MGST3: variants seen among roughly 807,000 people sequenced by gnomAD.
MGST3 encodes glutathione S-transferase 3, mitochondrial.
Under a neutral mutation model 15.8 loss-of-function variants are expected in MGST3, and 13 were observed. That is an observed-to-expected ratio of 0.82 (90% CI 0.54 to 1.31). The LOEUF is 1.31. Among genes scored for constraint, MGST3 ranks in the 50% most tolerant of loss-of-function variants. MGST3 has a pLI of 0.00. For synonymous variants in MGST3, 49 were observed against 68.1 expected, an observed-to-expected ratio of 0.72 and a Z score of 1.38; for missense variants, 155 against 192.4, an observed-to-expected ratio of 0.81 and a Z score of 1.15.
chr1:165,653,884 T>C (rs187601215), intron 4 of MGST3: 138 of 301,574 alleles, frequency 4.6e-4, no homozygotes, highest in African/African-American at 2.5e-3. Flanking sequence ...GAGGCCCATT[T>C]GAGAAAACGG....
chr1:165,649,818 C>G, intron 1 of MGST3, 23 bp from the exon 2 acceptor site: 1 of 1,613,666 alleles, frequency 6.2e-7, no homozygotes, highest in Non-Finnish European at 8.5e-7. Flanking sequence ...GGGGGCCGTC[C>G]CAACGTGTTC....
chr1:165,632,856 A>T (rs1327134133), intron 1 of MGST3, among the ~76,000 whole-genome samples: 1 of 152,102 alleles, frequency 6.6e-6, no homozygotes, highest in Non-Finnish European at 1.5e-5. Context: ...GAAGGGCTTT[A>T]CCCACTATTC....
chr1:165,648,758 A>T (rs1199992200), intron 1 of MGST3: 1 of 152,202 alleles, frequency 6.6e-6, no homozygotes, highest in East Asian at 1.9e-4. Flanking sequence ...TTTAAGGAAG[A>T]TGCTCTGACC....
intron 1 of MGST3, among the ~76,000 whole-genome samples, chr1:165,639,610 C>G (rs1432161753): frequency 1.3e-5 from 2 of 152,116 alleles, no homozygotes; most frequent in Admixed American, 1.3e-4. Context: ...CGAGACCAGC[C>G]TGGCCAACAT....
At chr1:165,654,903 G>A (rs1430642843) in intron 5 of MGST3, among the ~76,000 whole-genome samples, 1 of 152,088 alleles carries the variant, frequency 6.6e-6, no homozygotes, top group Non-Finnish European at 1.5e-5. Flanking sequence ...CTGTAATACA[G>A]ATATTATTGC....
At chr1:165,633,499 C>T (rs554685333) in intron 1 of MGST3, among the ~76,000 whole-genome samples, 2 of 151,716 alleles carry the variant, frequency 1.3e-5, no homozygotes, top group African/African-American at 4.8e-5. Context: ...TTATTCCACC[C>T]TTTAAAAATA....
intron 1 of MGST3, among the ~76,000 whole-genome samples, chr1:165,636,446 C>CGTTTATGGGCCA (rs1648116543): frequency 6.6e-6 from 1 of 152,058 alleles, no homozygotes; most frequent in South Asian, 2.1e-4. Flanking sequence ...AAGAGGATTG[C>CGTTTATGGGCCA]GTTTATGGGC....
chr1:165,651,932 T>C, intron 3 of MGST3, 46 bp from the exon 4 acceptor site: 1 of 919,004 alleles, frequency 1.1e-6, no homozygotes, highest in Non-Finnish European at 1.8e-6. Flanking sequence ...TACACAGGCA[T>C]ACTTAAAAAG....
intron 1 of MGST3, chr1:165,637,125 A>G (rs142007926): frequency 3.7e-4 from 56 of 152,332 alleles, no homozygotes; most frequent in African/African-American, 9.9e-4. Flanking sequence ...AAGGATTTTA[A>G]TGAAACATTG....
chr1:165,646,360 T>G (rs985603940), intron 1 of MGST3: 2 of 152,250 alleles, frequency 1.3e-5, no homozygotes, highest in East Asian at 3.8e-4. Context: ...AAATGATAGT[T>G]TTTTTGAATG....
intron 1 of MGST3, among the ~76,000 whole-genome samples, chr1:165,634,721 T>A (rs569026103): frequency 1.5e-5 from 2 of 133,960 alleles, no homozygotes; most frequent in Non-Finnish European, 3.1e-5. Flanking sequence ...TGCTCACTCG[T>A]GCTCTCTCTC....
At chr1:165,632,618 G>A (rs1647984372) in intron 1 of MGST3, among the ~76,000 whole-genome samples, 1 of 152,160 alleles carries the variant, frequency 6.6e-6, no homozygotes, top group Admixed American at 6.5e-5. Context: ...ACTTTGTCAA[G>A]TGATTTTTTT....
intron 5 of MGST3, 79 bp downstream of exon 5, chr1:165,654,430 C>G: frequency 7.6e-7 from 1 of 1,323,704 alleles, no homozygotes; most frequent in Non-Finnish European, 1.1e-6. Context: ...GTGGCTTACA[C>G]CTGTAATCCC....
intron 2 of MGST3, 128 bp from the exon 3 acceptor site, chr1:165,650,886 T>C (rs1571155674): frequency 2.5e-6 from 2 of 788,010 alleles, no homozygotes; most frequent in East Asian, 5.0e-5. Flanking sequence ...TAAGCAGAAA[T>C]TGAATGGTCA....
In MGST3 at chr1:165,655,567, ATT is replaced by A; in HGVS notation, c.*70_*71del. On this transcript the variant is annotated 3_prime_UTR_variant, in exon 6 of 6. Coordinates refer to ENST00000367889, the MANE Select transcript of MGST3 (RefSeq NM_004528.4). ...ATGACTTACCTTTATTTCCAGTTAC[ATT>A]TTTTTTCTAAATATAATAAAAACTT... The A allele has an allele frequency of 6.3e-7, 1 of 1,591,190 alleles. No homozygotes were observed. Among genetic ancestry groups the A allele is most frequent in the Admixed American group, 1.7e-5 (1 of 59,002 alleles).
intron 1 of MGST3, among the ~76,000 whole-genome samples, chr1:165,643,920 T>C (rs1190670089): frequency 1.3e-5 from 2 of 151,800 alleles, no homozygotes; most frequent in Non-Finnish European, 2.9e-5. Context: ...TAGCTGGGCA[T>C]GTCAATGTGT....
chr1:165,637,133 T>C (rs1280490716), intron 1 of MGST3: 2 of 152,308 alleles, frequency 1.3e-5, no homozygotes, highest in East Asian at 3.9e-4. Context: ...TAATGAAACA[T>C]TGGAGAATGG....
At position 165,642,074 on chromosome 1, in the gene MGST3, T is replaced by G. The variant is rs112291524; in HGVS notation, c.-7-7767T>G. Among the ~76,000 whole-genome samples, 6 of 152,352 alleles carry G rather than the reference T, an allele frequency of 3.9e-5. 1 individual carries two copies. The highest frequency in any genetic ancestry group is 1.4e-4 in the African/African-American group (6 of 41,576). The stretch of plus-strand genomic sequence containing the variant: ...GTCTTTCCCTACCCATTTATTTTGT[T>G]TTTGTTTTATTGTGTTATACCTAGT... On this transcript the variant is annotated intron_variant, in intron 1 of 5. Transcript: ENST00000367889.
intron 1 of MGST3, chr1:165,647,668 A>C (rs1389545917): frequency 6.6e-6 from 1 of 152,112 alleles, no homozygotes; most frequent in Non-Finnish European, 1.5e-5. Flanking sequence ...GCAAACTTTA[A>C]CCTAAAGCAA....
Sources: allele counts gnomAD v4.1 joint callset (sites outside exome capture counted in the v4.1 genomes callset), GRCh38; gene constraint gnomAD v4.1.1; transcripts MANE v1.5; gene names NCBI Gene and HGNC (gene_info 2026-07-23, HGNC 2026-07-21).